NAV3: variants seen among roughly 807,000 people sequenced by gnomAD.
NAV3 encodes pore membrane and/or filament interacting like protein 1.
Under a neutral mutation model 244.7 loss-of-function variants are expected in NAV3, and 87 were observed. The ratio of observed to expected loss-of-function variants is 0.36; its 90% CI spans 0.30 to 0.42. NAV3 has a LOEUF of 0.42. NAV3 is among the 20% of genes least tolerant of loss of function. NAV3 has a pLI of 1.00. For missense variants in NAV3, 2,663 were observed against 2,893.3 expected (o/e 0.92, Z 1.83); for synonymous variants, 1,126 against 1,042.2 (o/e 1.08, Z -1.55).
At chr12:77,885,042 C>G (rs7969748) in intron 1 of NAV3, among the ~76,000 whole-genome samples, 21,018 of 152,038 alleles carry the variant, frequency 0.14, 1,720 homozygotes, top group Middle Eastern at 0.22. Context: ...AGTCTACATT[C>G]ATGGAACACA....
At chr12:77,862,690 A>G (rs1377282331) in intron 1 of NAV3, among the ~76,000 whole-genome samples, 2 of 151,914 alleles carry the variant, frequency 1.3e-5, no homozygotes, top group African/African-American at 2.4e-5. Context: ...GTTTGAATTT[A>G]TCAATAAATG....
intron 12 of NAV3, among the ~76,000 whole-genome samples, chr12:78,081,848 A>G (rs1953370719): frequency 6.6e-6 from 1 of 152,182 alleles, no homozygotes; most frequent in Non-Finnish European, 1.5e-5. Flanking sequence ...ACAAAGATAA[A>G]CTTTCAATAT....
At chr12:78,183,938 G>A (rs1050473575) in intron 30 of NAV3, among the ~76,000 whole-genome samples, 1 of 151,644 alleles carries the variant, frequency 6.6e-6, no homozygotes, top group African/African-American at 2.4e-5. Flanking sequence ...ACATCTCAGG[G>A]TTTTGCACTG....
chr12:77,578,540 A>C (rs1869202539), intron 2 of NAV3, among the ~76,000 whole-genome samples: 1 of 151,948 alleles, frequency 6.6e-6, no homozygotes, highest in Non-Finnish European at 1.5e-5. Flanking sequence ...AAACTATGAC[A>C]CTCTATATCT....
chr12:78,018,877 C>T (rs576847933), intron 8 of NAV3, among the ~76,000 whole-genome samples: 62 of 152,020 alleles, frequency 4.1e-4, no homozygotes, highest in Admixed American at 3.5e-3. Flanking sequence ...AAGAGGTCAG[C>T]GAGGGGTAGA....
intron 5 of NAV3, among the ~76,000 whole-genome samples, chr12:77,985,326 A>G (rs1870305113): frequency 6.6e-6 from 1 of 152,222 alleles, no homozygotes. Context: ...GTTTGTCAGA[A>G]TAACGAGAAC....
At chr12:77,952,152 T>C (rs1293313052) in intron 3 of NAV3, among the ~76,000 whole-genome samples, 1 of 152,160 alleles carries the variant, frequency 6.6e-6, no homozygotes, top group Non-Finnish European at 1.5e-5. Context: ...TTGTGTCTTC[T>C]GTAAATATTT....
chr12:78,081,491 T>A (rs1031977744), intron 12 of NAV3, among the ~76,000 whole-genome samples: 1 of 152,220 alleles, frequency 6.6e-6, no homozygotes, highest in African/African-American at 2.4e-5. Context: ...GTGCTGTGGA[T>A]GCTCCTCCGA....
chr12:77,832,447 CTTTTG>C (rs928813850), intron 1 of NAV3, among the ~76,000 whole-genome samples: 26 of 152,162 alleles, frequency 1.7e-4, no homozygotes, highest in African/African-American at 6.3e-4. Flanking sequence ...ATAAGCGTCA[CTTTTG>C]TTTTGTGCAT....
At chr12:77,949,430 A>G (rs1890665615) in intron 3 of NAV3, among the ~76,000 whole-genome samples, 1 of 152,078 alleles carries the variant, frequency 6.6e-6, no homozygotes, top group Non-Finnish European at 1.5e-5. Flanking sequence ...AGACTTATTA[A>G]CAAATAAATT....
chr12:78,180,699 G>T (rs300522), intron 29 of NAV3, among the ~76,000 whole-genome samples, 172 bp from the exon 30 acceptor site: 39,204 of 151,884 alleles, frequency 0.26, 6,499 homozygotes, highest in Non-Finnish European at 0.37. Context: ...AGAGAAAAAG[G>T]TTAAATTTCC....
chr12:77,988,615 C>G (rs1393864516), intron 5 of NAV3, among the ~76,000 whole-genome samples: 4 of 152,172 alleles, frequency 2.6e-5, no homozygotes, highest in Non-Finnish European at 5.9e-5. Flanking sequence ...AAAATGTTTA[C>G]TTCTTTTGTG....
chr12:78,014,503 C>G (rs1875843378), intron 8 of NAV3, among the ~76,000 whole-genome samples: 1 of 152,140 alleles, frequency 6.6e-6, no homozygotes, highest in African/African-American at 2.4e-5. Flanking sequence ...AGAGTTTTTC[C>G]TTCTTTTGAT....
chr12:78,204,849 A>G, intron 38 of NAV3, 86 bp from the exon 39 acceptor site: 3 of 1,228,532 alleles, frequency 2.4e-6, no homozygotes, highest in Non-Finnish European at 1.1e-6. Context: ...TCAATATGTC[A>G]AAAAATCACA....
At chr12:77,984,822 T>C (rs966685495) in intron 5 of NAV3, among the ~76,000 whole-genome samples, 39 of 152,228 alleles carry the variant, frequency 2.6e-4, no homozygotes, top group Middle Eastern at 3.4e-3. Context: ...ATAGGTTTTT[T>C]GTTTTTTTTT....
At chr12:78,128,610 A>G (rs1024693228) in intron 17 of NAV3, 96 bp from the exon 18 acceptor site, 51 of 1,259,412 alleles carry the variant, frequency 4.0e-5, no homozygotes, top group Middle Eastern at 2.0e-4. Context: ...GAAATTGTTC[A>G]TTCTGAATAG....
intron 1 of NAV3, among the ~76,000 whole-genome samples, chr12:77,845,482 G>T (rs970462757): frequency 6.6e-6 from 1 of 151,848 alleles, no homozygotes; most frequent in Non-Finnish European, 1.5e-5. Flanking sequence ...AAATCATCAC[G>T]CTTTACTTCA....
At chr12:77,943,220 C>T (rs1179953095) in intron 3 of NAV3, among the ~76,000 whole-genome samples, 1 of 152,026 alleles carries the variant, frequency 6.6e-6, no homozygotes, top group Non-Finnish European at 1.5e-5. Context: ...ACTTCTTATT[C>T]CTGTTAACTG....
intron 8 of NAV3, among the ~76,000 whole-genome samples, chr12:78,009,472 GAGA>G (rs1291583679): frequency 1.1e-5 from 1 of 88,136 alleles, no homozygotes; most frequent in African/African-American, 3.7e-5. Context: ...AAAAAAAAAA[GAGA>G]AAAAAAGGGC....
Sources: gnomAD v4.1 joint callset for allele counts (sites outside exome capture counted in the v4.1 genomes callset) on GRCh38, gnomAD v4.1.1 for gene constraint, MANE v1.5 for transcripts, NCBI Gene and HGNC (gene_info 2026-07-23, HGNC 2026-07-21) for gene names.